ICA1: variants seen among roughly 807,000 people sequenced by gnomAD.
The protein encoded by ICA1 is islet cell autoantigen 1.
ICA1 carries 40 observed loss-of-function variants against 71.0 expected under a neutral mutation model. The observed-to-expected ratio is 0.56, with a 90% CI of 0.44 to 0.73. ICA1 has a LOEUF of 0.73. Ranked by LOEUF, ICA1 falls within the 30% of genes least tolerant of loss-of-function variation. The pLI is 0.00. For missense variants in ICA1, 578 were observed against 576.5 expected (o/e 1.00, Z -0.03); for synonymous variants, 207 against 209.5 (o/e 0.99, Z 0.10).
intron 12 of ICA1, among the ~76,000 whole-genome samples, chr7:8,131,099 A>G (rs565206526): frequency 7.2e-5 from 11 of 152,242 alleles, no homozygotes; most frequent in African/African-American, 2.6e-4. Context: ...ATAGAAACTT[A>G]ATGGAAGAGG....
In ICA1 at chr7:8,123,768, C is replaced by A. The variant is rs1787943476; in HGVS notation, c.1330+4105G>T. The stretch of plus-strand genomic sequence containing the variant: ...CCTCTGACGGCTTCCTAAGAGAGGT[C>A]TGAAGAGCCCCACTGGGAAATCCCT... On this transcript the variant is annotated intron_variant, in intron 13 of 13. Transcript: ENST00000402384. This position sits in a 1 kb window ranked among gnomAD's most constrained non-coding sequence, Gnocchi z 4.1. Among the ~76,000 whole-genome samples the A allele has an allele frequency of 6.6e-6, 1 of 152,154 alleles. No homozygotes were observed. Among genetic ancestry groups the A allele is most frequent in the Non-Finnish European group, 1.5e-5 (1 of 68,034 alleles).
rs1798576971 is a variant in ICA1, at chr7:8,226,276, C to T, written c.256+2325G>A. Reference sequence around the variant, plus strand: ...CCACTCCTCATCCACCACTGGTATCCAGTCTCTTTCGTTTCTGGTTTATCC... The same window carrying T: ...CCACTCCTCATCCACCACTGGTATCTAGTCTCTTTCGTTTCTGGTTTATCC... On this transcript the variant is annotated intron_variant, in intron 4 of 13. Transcript: ENST00000402384. The surrounding 1 kb of genome is among the most constrained non-coding windows in gnomAD (Gnocchi z 4.4). Among the ~76,000 whole-genome samples, 1 of 152,114 alleles carries T rather than the reference C, an allele frequency of 6.6e-6. No individual in the cohort carries two copies. The highest frequency in any genetic ancestry group is 6.6e-5 in the Admixed American group (1 of 15,258).
At chr7:8,139,791 T>C (rs964946079) in intron 10 of ICA1, among the ~76,000 whole-genome samples, 2 of 152,220 alleles carry the variant, frequency 1.3e-5, no homozygotes, top group South Asian at 4.1e-4. Context: ...GAGAAATCTC[T>C]GTACATTGAG....
At chr7:8,114,406 A>C (rs1379487436) in intron 13 of ICA1, among the ~76,000 whole-genome samples, 1 of 152,236 alleles carries the variant, frequency 6.6e-6, no homozygotes, top group Non-Finnish European at 1.5e-5. Flanking sequence ...TGAATGGCTG[A>C]GGAAGCAAGG....
intron 8 of ICA1, among the ~76,000 whole-genome samples, chr7:8,152,797 C>CCGCCACCAT (rs1799795603): frequency 5.4e-4 from 1 of 1,864 alleles, no homozygotes; most frequent in Non-Finnish European, 1.2e-3. Context: ...ACCATCACCT[C>CCGCCACCAT]CACCACCACC....
chr7:8,200,533 C>T (rs927577596), intron 6 of ICA1, among the ~76,000 whole-genome samples: 5 of 151,864 alleles, frequency 3.3e-5, no homozygotes, highest in East Asian at 1.9e-4. Flanking sequence ...ATGAAGGGCA[C>T]GGACATAAGA....
At chr7:8,203,531 G>A (rs1292978759) in intron 6 of ICA1, among the ~76,000 whole-genome samples, 1 of 152,052 alleles carries the variant, frequency 6.6e-6, no homozygotes, top group African/African-American at 2.4e-5. Context: ...GAATTATCTG[G>A]GAGCCCATTA....
chr7:8,215,095 C>T (rs1794992699), intron 6 of ICA1, among the ~76,000 whole-genome samples: 1 of 152,110 alleles, frequency 6.6e-6, no homozygotes, highest in Admixed American at 6.5e-5. Context: ...ATCCCTTCTC[C>T]ACCTTACAAA....
intron 6 of ICA1, among the ~76,000 whole-genome samples, chr7:8,178,357 G>A (rs34001876): frequency 0.035 from 5,355 of 152,248 alleles, 137 homozygotes; most frequent in South Asian, 0.058. Flanking sequence ...ACATTGAATG[G>A]TCACTGTATT....
intron 5 of ICA1, chr7:8,219,098 C>A (rs1478519380): frequency 6.3e-6 from 1 of 158,654 alleles, no homozygotes; most frequent in African/African-American, 2.4e-5. Context: ...GTTAAAAAAA[C>A]CTTGAGGATA....
intron 6 of ICA1, among the ~76,000 whole-genome samples, chr7:8,200,424 C>T (rs564815526): frequency 2.1e-4 from 1 of 4,654 alleles, no homozygotes; most frequent in South Asian, 0.013. Context: ...AAAGTGAACT[C>T]GTGGAAGTTT....
chr7:8,255,546 T>C (rs961706052), intron 1 of ICA1, among the ~76,000 whole-genome samples: 3 of 152,204 alleles, frequency 2.0e-5, no homozygotes, highest in African/African-American at 7.2e-5. Flanking sequence ...AACTGCCAGC[T>C]GTATGCCAAC....
chr7:8,132,394 G>A lies in ICA1; in HGVS notation c.1061-4252C>T, dbSNP rs997527890. Among the ~76,000 whole-genome samples the A allele has an allele frequency of 6.6e-6, 1 of 152,130 alleles. No individual in the cohort carries two copies. The highest frequency in any genetic ancestry group is 1.5e-5 in the Non-Finnish European group (1 of 68,030). ...CTCCACCCTCCCCTCACACTTTCAA[G>A]TTACTGTTCTGGTTTCTTCTTCCTT... On this transcript the variant is annotated intron_variant, in intron 12 of 13. Coordinates refer to ENST00000402384, the MANE Select transcript of ICA1 (RefSeq NM_001136020.3). This position sits in a 1 kb window ranked among gnomAD's most constrained non-coding sequence, Gnocchi z 4.5.
intron 6 of ICA1, among the ~76,000 whole-genome samples, chr7:8,180,221 C>T (rs1264249971): frequency 1.3e-5 from 2 of 152,044 alleles, no homozygotes; most frequent in Non-Finnish European, 2.9e-5. Context: ...ATATTCTGAT[C>T]TCTATCACCA....
At chr7:8,174,755 CAAA>C (rs1218712832) in intron 6 of ICA1, among the ~76,000 whole-genome samples, 20,162 of 80,938 alleles carry the variant, frequency 0.25, 1,342 homozygotes, top group African/African-American at 0.3. Flanking sequence ...GACTGTATCT[CAAA>C]AAAAAAAAAA....
intron 8 of ICA1, among the ~76,000 whole-genome samples, chr7:8,148,191 T>TTTGTAGG (rs1797685680): frequency 1.3e-5 from 2 of 152,188 alleles, no homozygotes; most frequent in African/African-American, 4.8e-5. Context: ...CCTTCAAGTA[T>TTTGTAGG]ATAATCATAC....
chr7:8,137,051 C>CTT (rs79248652), intron 12 of ICA1, among the ~76,000 whole-genome samples: 24 of 140,212 alleles, frequency 1.7e-4, no homozygotes, highest in Admixed American at 9.3e-4. Flanking sequence ...AGCCAAGAAC[C>CTT]TTTTTTTTTT....
rs1296211372 is a variant in ICA1 at position 8,234,260 on chromosome 7, T to C, written c.18-1505A>G. On this transcript the variant is annotated intron_variant, in intron 2 of 13. Coordinates refer to ENST00000402384, the MANE Select transcript of ICA1 (RefSeq NM_001136020.3). This position sits in a 1 kb window ranked among gnomAD's most constrained non-coding sequence, Gnocchi z 4.5. The stretch of plus-strand genomic sequence containing the variant: ...AGAAAAAAGAGAAAAGAAACAAAAG[T>C]AATTGAAAATGAAATGGAATTGTGT... Among the ~76,000 whole-genome samples, 1 of 152,140 alleles carries C rather than the reference T, an allele frequency of 6.6e-6. No individual in the cohort carries two copies. The highest frequency in any genetic ancestry group is 1.5e-5 in the Non-Finnish European group (1 of 68,010).
At chr7:8,203,427 T>G (rs959941024) in intron 6 of ICA1, among the ~76,000 whole-genome samples, 1 of 152,244 alleles carries the variant, frequency 6.6e-6, no homozygotes, top group Non-Finnish European at 1.5e-5. Flanking sequence ...ATTGCCTTTT[T>G]TGATGGATCA....
Sources: gnomAD v4.1 joint callset for allele counts (sites outside exome capture counted in the v4.1 genomes callset) on GRCh38, gnomAD v4.1.1 for gene constraint, Gnocchi (gnomAD v3.1) non-coding constraint, MANE v1.5 for transcripts, NCBI Gene and HGNC (gene_info 2026-07-23, HGNC 2026-07-21) for gene names.